Variants in HERC5 observed in about 807,000 individuals in gnomAD.
The protein encoded by HERC5 is HECT and RLD domain containing E3 ubiquitin protein ligase 5.
In HERC5, 99 loss-of-function variants were observed where a neutral mutation model predicts 119.6. That is an observed-to-expected ratio of 0.83 (90% CI 0.70 to 0.98). The LOEUF (loss-of-function observed/expected upper bound fraction) is 0.98, where lower values mean the gene tolerates loss of function less well. Among genes scored for constraint, HERC5 ranks in the 50% least tolerant of loss-of-function variants. HERC5 has a pLI of 0.00. For missense variants in HERC5, 1,267 were observed against 1,241.3 expected (o/e 1.02, Z -0.31); for synonymous variants, 478 against 445.9 (o/e 1.07, Z -0.91).
At chr4:88,458,217 G>A (rs1003443739) in intron 1 of HERC5, 52 of 344,234 alleles carry the variant, frequency 1.5e-4, no homozygotes, top group African/African-American at 1.1e-3. Context: ...CCTTTTGCAC[G>A]TCGTACATGT....
At chr4:88,495,641 C>CAG (rs2149106823) in intron 18 of HERC5, among the ~76,000 whole-genome samples, 2 of 152,126 alleles carry the variant, frequency 1.3e-5, no homozygotes, top group African/African-American at 4.8e-5. Context: ...AACTAAAACA[C>CAG]AGAAAGATTA....
At chr4:88,459,850 A>G (rs893598552) in intron 2 of HERC5, among the ~76,000 whole-genome samples, 1 of 152,194 alleles carries the variant, frequency 6.6e-6, no homozygotes, top group Non-Finnish European at 1.5e-5. Context: ...ACTCATTTTC[A>G]TCTTGCATTT....
intron 18 of HERC5, 41 bp downstream of exon 18, chr4:88,494,372 T>TA (rs1560613121): frequency 6.6e-7 from 1 of 1,526,610 alleles, no homozygotes; most frequent in Non-Finnish European, 9.0e-7. Flanking sequence ...CTTTCTAACA[T>TA]ATATTTAGGC....
At position 88,504,231 on chromosome 4, in the gene HERC5, G is replaced by A; in HGVS notation, c.2583-1G>A. 6.3e-7 allele frequency: 1 copy of A among 1,575,978 alleles called. No individual in the cohort carries two copies. The highest frequency in any genetic ancestry group is 1.4e-5 in the African/African-American group (1 of 73,834). On this transcript the variant is annotated splice_acceptor_variant, in intron 20 of 22. Transcript: ENST00000264350. LOFTEE classifies it high-confidence loss of function. ...GGAAATAACATTTTGTTTTATTAAAGGAGAGACTATGTTTCTAAGTATATC... is the reference window on the plus strand; with the variant it reads ...GGAAATAACATTTTGTTTTATTAAAAGAGAGACTATGTTTCTAAGTATATC...
At chr4:88,489,710 T>A (rs1461370315) in intron 16 of HERC5, among the ~76,000 whole-genome samples, 1 of 152,168 alleles carries the variant, frequency 6.6e-6, no homozygotes. Context: ...TTTGTTCTTA[T>A]GCAATAACCT....
intron 13 of HERC5, among the ~76,000 whole-genome samples, chr4:88,480,917 A>G (rs1436855157): frequency 1.3e-5 from 2 of 152,168 alleles, no homozygotes; most frequent in Non-Finnish European, 1.5e-5. Context: ...TGTCAATGAT[A>G]TGTGTTGCAA....
intron 3 of HERC5, among the ~76,000 whole-genome samples, chr4:88,461,206 G>A (rs763359321): frequency 6.6e-6 from 1 of 152,130 alleles, no homozygotes; most frequent in Non-Finnish European, 1.5e-5. Flanking sequence ...ACTTGTATTG[G>A]AAGAAATTGA....
intron 10 of HERC5, 41 bp from the exon 11 acceptor site, chr4:88,472,368 A>G: frequency 8.7e-7 from 1 of 1,150,460 alleles, no homozygotes; most frequent in South Asian, 1.3e-5. Context: ...GCATCTAGGG[A>G]GATAATCTAA....
intron 4 of HERC5, among the ~76,000 whole-genome samples, chr4:88,463,029 G>A (rs1740506765): frequency 6.6e-6 from 1 of 152,160 alleles, no homozygotes; most frequent in African/African-American, 2.4e-5. Context: ...TCATTACACA[G>A]AATAGCCCAT....
chr4:88,479,373 C>T lies in HERC5; in HGVS notation c.1603C>T (p.Gln535Ter). 1 of 1,606,456 alleles carries T rather than the reference C, an allele frequency of 6.2e-7. No individual in the cohort carries two copies. The highest frequency in any genetic ancestry group is 8.5e-7 in the Non-Finnish European group (1 of 1,177,864). ...LVLEEYWATL[Q>*]ESTFSKLVQM... is the part of the protein sequence containing the mutation. ...CTCAGAAGAGTATTGGGCAACTCTG[C>T]AAGAATCCACTTTCAGCAAACTGGT... Residue 535 changes from glutamine (Q) to a stop codon, truncating the protein, a stop_gained, in exon 13 of 23, where the codon CAA (glutamine) becomes TAA (stop). Transcript: ENST00000264350. LOFTEE classifies it high-confidence loss of function.
At chr4:88,465,169 C>T (rs1223097625) in intron 6 of HERC5, among the ~76,000 whole-genome samples, 1 of 152,222 alleles carries the variant, frequency 6.6e-6, no homozygotes, top group African/African-American at 2.4e-5. Context: ...CTCGCCTTGA[C>T]CCCTCAGAGT....
chr4:88,489,136 A>T (rs2149102713), intron 15 of HERC5, 30 bp from the exon 16 acceptor site: 1 of 1,573,258 alleles, frequency 6.4e-7, no homozygotes, highest in African/African-American at 1.4e-5. Flanking sequence ...GGTAAAATGA[A>T]GTGTAATATT....
At chr4:88,466,724 T>C (rs1740681650) in intron 6 of HERC5, among the ~76,000 whole-genome samples, 1 of 152,228 alleles carries the variant, frequency 6.6e-6, no homozygotes, top group African/African-American at 2.4e-5. Flanking sequence ...AACTGAGTCT[T>C]CCAGGATGGA....
At chr4:88,494,427 G>A (rs1365442565) in intron 18 of HERC5, 96 bp downstream of exon 18, 2 of 1,024,646 alleles carry the variant, frequency 2.0e-6, no homozygotes, top group Non-Finnish European at 2.8e-6. Flanking sequence ...ATGTTCAACA[G>A]CAGCATTTTA....
chr4:88,504,831 A>G (rs1367032068), intron 22 of HERC5, among the ~76,000 whole-genome samples: 1 of 152,122 alleles, frequency 6.6e-6, no homozygotes. Context: ...TTCTTCATCC[A>G]AGCTAAATAT....
Position 88,505,818 on chromosome 4 carries a change from A to G in HERC5, c.3015A>G (p.Thr1005=), listed in dbSNP as rs1235957430. 1.2e-6 allele frequency: 2 copies of G among 1,613,750 alleles called. No individual in the cohort carries two copies. Among genetic ancestry groups the G allele is most frequent in the East Asian group, 2.2e-5 (1 of 44,892 alleles). Reference sequence around the variant, plus strand: ...TCCTCTTCCTCCCTAAATATTCTACAATGGAAACAGTTGAAGAAGCGCTTC... The same window carrying G: ...TCCTCTTCCTCCCTAAATATTCTACGATGGAAACAGTTGAAGAAGCGCTTC... ...FSVLFLPKYS[T]METVEEALQE... The change falls in exon 23 of 23, where the codon ACA becomes ACG. Residue 1005 remains threonine, a synonymous_variant. Coordinates refer to ENST00000264350, the MANE Select transcript of HERC5 (RefSeq NM_016323.4).
At chr4:88,484,722 TCTC>T (rs375026279) in intron 13 of HERC5, among the ~76,000 whole-genome samples, 25 of 152,278 alleles carry the variant, frequency 1.6e-4, no homozygotes, top group Non-Finnish European at 3.2e-4. Flanking sequence ...GGGGATAACT[TCTC>T]CTATGGACTC....
chr4:88,499,394 A>C (rs970517894), intron 18 of HERC5, among the ~76,000 whole-genome samples: 3 of 152,358 alleles, frequency 2.0e-5, no homozygotes, highest in African/African-American at 7.2e-5. Flanking sequence ...AAAATTGGTT[A>C]CTGTCCATTT....
chr4:88,489,193 T>A lies in HERC5; in HGVS notation c.1990T>A (p.Ser664Thr). 3.1e-6 allele frequency: 5 copies of A among 1,613,058 alleles called. No homozygotes were observed. The highest frequency in any genetic ancestry group is 4.2e-6 in the Non-Finnish European group (5 of 1,179,658). Residue 664 changes from serine to threonine, a missense_variant, in exon 16 of 23, where the codon TCG (serine) becomes ACG (threonine). Coordinates refer to ENST00000264350, the MANE Select transcript of HERC5 (RefSeq NM_016323.4). ...ESKKHKAYLR[S>T]AAIEEERESE... ...TAAAAAACATAAAGCTTATCTTAGG[T>A]CGGCAGCAATTGAGGAAGAAAGAGA... is the stretch of plus-strand genomic sequence containing the variant.
Sources: gnomAD v4.1 joint callset for allele counts (sites outside exome capture counted in the v4.1 genomes callset) on GRCh38, gnomAD v4.1.1 for gene constraint, MANE v1.5 for transcripts, NCBI Gene and HGNC (gene_info 2026-07-23, HGNC 2026-07-21) for gene names.